The following NR3C2 variants were observed in gnomAD, a reference collection of about 807,000 sequenced individuals.
NR3C2 encodes the protein nuclear receptor subfamily 3 group C member 2, also known as mineralocorticoid receptor.
A neutral mutation model predicts 86.4 loss-of-function variants in NR3C2; 15 were observed. The ratio of observed to expected loss-of-function variants is 0.17; its 90% CI spans 0.12 to 0.27. The LOEUF (loss-of-function observed/expected upper bound fraction) is 0.27. Among genes scored for constraint, NR3C2 ranks in the 10% least tolerant of loss-of-function variants. The probability of loss-of-function intolerance (pLI) is 1.00; values close to 1 mark genes in which losing one functional copy is unlikely to be tolerated. For synonymous variants in NR3C2, 458 were observed against 450.5 expected (o/e 1.02, Z -0.21); for missense variants, 960 against 1,195.6 (o/e 0.80, Z 2.91).
At chr4:148,266,947 G>T (rs1477456545) in intron 2 of NR3C2, among the ~76,000 whole-genome samples, 1 of 152,202 alleles carries the variant, frequency 6.6e-6, no homozygotes, top group African/African-American at 2.4e-5. Context: ...TAAGATGGGG[G>T]GAAGAGCAGT....
chr4:148,299,321 T>C (rs1169390108), intron 2 of NR3C2, among the ~76,000 whole-genome samples: 1 of 152,252 alleles, frequency 6.6e-6, no homozygotes, highest in Non-Finnish European at 1.5e-5. Context: ...TGAGGCTTTT[T>C]GTCCTTGGAC....
rs1052491736 is a variant in NR3C2, at chr4:148,156,687, A to G, written c.2015-1786T>C. 3.8e-5 allele frequency among the ~76,000 whole-genome samples: 5 copies of G among 130,454 alleles called. No homozygotes were observed. The Admixed American group carries it at 4.1e-4, about 11-fold the overall frequency. The allele number at this position is 130,454 out of a possible 152,430, so 85.6% of individuals were successfully genotyped here. A position where few individuals can be genotyped will look rare whatever the true frequency, so the allele number is the denominator to read the frequency against. ...CTGGAGAGGATGTGGAGAAATAGGAACACTTTTACACTGTTGGTGGGACTG... is the reference window on the plus strand; with the variant it reads ...CTGGAGAGGATGTGGAGAAATAGGAGCACTTTTACACTGTTGGTGGGACTG... On this transcript the variant is annotated intron_variant, in intron 4 of 8. Transcript: ENST00000358102.
chr4:148,246,734 G>T (rs1292949298), intron 3 of NR3C2, among the ~76,000 whole-genome samples: 1 of 152,066 alleles, frequency 6.6e-6, no homozygotes, highest in Non-Finnish European at 1.5e-5. Flanking sequence ...TGTATTTTTA[G>T]TAGAGACAGG....
chr4:148,348,712 G>A (rs1005386456), intron 2 of NR3C2, among the ~76,000 whole-genome samples: 3 of 152,100 alleles, frequency 2.0e-5, no homozygotes, highest in African/African-American at 4.8e-5. Context: ...TCTAATTGCT[G>A]TGCTAAGTGC....
In NR3C2 at chr4:148,301,604, C is replaced by T. The variant is rs1012223121; in HGVS notation, c.1758-41487G>A. On this transcript the variant is annotated intron_variant, in intron 2 of 8. Coordinates refer to ENST00000358102, the MANE Select transcript of NR3C2 (RefSeq NM_000901.5). ...AAGTTTCTCTTAAGGCACTAATCTG[C>T]TCTTTAGCAAAATTGTTAAAGTGTT... Among the ~76,000 whole-genome samples, 9 of 152,280 alleles carry T rather than the reference C, an allele frequency of 5.9e-5. No homozygotes were observed. The East Asian group carries it at 1.3e-3, about 23-fold the overall frequency.
chr4:148,309,723 T>C (rs1742815332), intron 2 of NR3C2, among the ~76,000 whole-genome samples: 1 of 152,372 alleles, frequency 6.6e-6, no homozygotes, highest in Middle Eastern at 3.4e-3. Context: ...TTCAGAAATC[T>C]TCATATTATC....
intron 2 of NR3C2, among the ~76,000 whole-genome samples, chr4:148,348,018 A>G (rs1439762823): frequency 6.6e-6 from 1 of 152,116 alleles, no homozygotes; most frequent in African/African-American, 2.4e-5. Context: ...TCAGGATTAT[A>G]AATTATCCCA....
chr4:148,188,589 G>A (rs1046696886), intron 4 of NR3C2, among the ~76,000 whole-genome samples: 3 of 152,050 alleles, frequency 2.0e-5, no homozygotes, highest in African/African-American at 2.4e-5. Context: ...TCTTGTATCC[G>A]GAGACGTTGC....
intron 1 of NR3C2, among the ~76,000 whole-genome samples, chr4:148,441,313 G>A (rs967377936): frequency 2.0e-5 from 3 of 152,164 alleles, no homozygotes; most frequent in Non-Finnish European, 4.4e-5. Flanking sequence ...AAACTTCACA[G>A]CAGGACTTCA....
chr4:148,406,271 TAGC>T (rs1748419960), intron 2 of NR3C2, among the ~76,000 whole-genome samples: 1 of 152,114 alleles, frequency 6.6e-6, no homozygotes, highest in African/African-American at 2.4e-5. Context: ...AATAATAAAA[TAGC>T]AGTACTAATA....
chr4:148,136,907 G>C (rs1200602915), intron 6 of NR3C2, among the ~76,000 whole-genome samples: 3 of 152,122 alleles, frequency 2.0e-5, no homozygotes, highest in Non-Finnish European at 2.9e-5. Flanking sequence ...CTACACTATA[G>C]AATTCTAGAG....
intron 3 of NR3C2, among the ~76,000 whole-genome samples, chr4:148,199,406 G>A (rs961341200): frequency 1.3e-5 from 2 of 152,220 alleles, no homozygotes; most frequent in Middle Eastern, 3.4e-3. Flanking sequence ...CAAGACTATA[G>A]GCATGGGATA....
chr4:148,108,119 A>G (rs751019940), intron 8 of NR3C2, among the ~76,000 whole-genome samples: 13 of 151,636 alleles, frequency 8.6e-5, no homozygotes, highest in Non-Finnish European at 1.5e-4. Flanking sequence ...TGTTTTTTTT[A>G]TTTGAGACAG....
chr4:148,335,411 A>T (rs561965984), intron 2 of NR3C2, among the ~76,000 whole-genome samples: 2 of 152,208 alleles, frequency 1.3e-5, no homozygotes, highest in Non-Finnish European at 2.9e-5. Context: ...GTAATGAGAA[A>T]ATTTCTAGAC....
chr4:148,386,470 T>C (rs1747267883), intron 2 of NR3C2, among the ~76,000 whole-genome samples: 1 of 152,184 alleles, frequency 6.6e-6, no homozygotes, highest in African/African-American at 2.4e-5. Flanking sequence ...TGGGGATGTC[T>C]AAAGAGAGCT....
At chr4:148,302,472 G>C (rs112719026) in intron 2 of NR3C2, among the ~76,000 whole-genome samples, 3,739 of 152,250 alleles carry the variant, frequency 0.025, 86 homozygotes, top group Non-Finnish European at 0.037. Context: ...TTAGAAACTA[G>C]TTGTGAGTAT....
chr4:148,196,518 T>A (rs978634523), intron 3 of NR3C2, among the ~76,000 whole-genome samples: 27 of 152,200 alleles, frequency 1.8e-4, no homozygotes, highest in Non-Finnish European at 2.9e-5. Context: ...GGAGGCCCAC[T>A]GTTTACTGCA....
intron 3 of NR3C2, among the ~76,000 whole-genome samples, chr4:148,196,086 A>G (rs1736429497): frequency 1.3e-5 from 2 of 152,152 alleles, no homozygotes; most frequent in African/African-American, 2.4e-5. Context: ...TACGGGAGAG[A>G]GGAAAGTGGG....
chr4:148,405,961 C>T (rs9995951), intron 2 of NR3C2, among the ~76,000 whole-genome samples: 113,268 of 152,104 alleles, frequency 0.74, 42,296 homozygotes, highest in Middle Eastern at 0.84. Context: ...CTGGGCAGCA[C>T]AGCATGACTC....
Sources: gnomAD v4.1 joint callset for allele counts (sites outside exome capture counted in the v4.1 genomes callset) on GRCh38, gnomAD v4.1.1 for gene constraint, MANE v1.5 for transcripts, NCBI Gene and HGNC (gene_info 2026-07-23, HGNC 2026-07-21) for gene names.